Variants in PTPRM observed in about 807,000 individuals in gnomAD.
PTPRM encodes protein tyrosine phosphatase receptor type M.
A neutral mutation model predicts 186.7 loss-of-function variants in PTPRM; 47 were observed. That is an observed-to-expected ratio of 0.25 (90% CI 0.20 to 0.32). The LOEUF is 0.32. Among genes scored for constraint, PTPRM ranks in the 10% least tolerant of loss-of-function variants. PTPRM has a pLI of 1.00. For synonymous variants in PTPRM, 668 were observed against 674.9 expected (o/e 0.99, Z 0.16); for missense variants, 1,494 against 1,865.0 (o/e 0.80, Z 3.66).
intron 1 of PTPRM, among the ~76,000 whole-genome samples, chr18:7,763,580 A>T (rs1470956553): frequency 1.3e-5 from 2 of 152,132 alleles, no homozygotes; most frequent in Non-Finnish European, 2.9e-5. Context: ...CGAGTTCCCC[A>T]TGGTTGTATT....
At chr18:8,142,412 A>G (rs1265242138) in intron 13 of PTPRM, among the ~76,000 whole-genome samples, 1 of 152,200 alleles carries the variant, frequency 6.6e-6, no homozygotes, top group African/African-American at 2.4e-5. Flanking sequence ...CTCACCAGGA[A>G]TAACTTTGGA....
chr18:7,864,067 T>C (rs183001046), intron 2 of PTPRM, among the ~76,000 whole-genome samples: 1 of 152,338 alleles, frequency 6.6e-6, no homozygotes, highest in Admixed American at 6.5e-5. Flanking sequence ...TGTAAATTTG[T>C]TTAAATTCTT....
At chr18:7,665,029 C>G (rs2039065351) in intron 1 of PTPRM, among the ~76,000 whole-genome samples, 1 of 152,032 alleles carries the variant, frequency 6.6e-6, no homozygotes, top group South Asian at 2.1e-4. Context: ...GGCTGGTGTC[C>G]ATGGAAGAGA....
chr18:7,638,820 G>A (rs2038378527), intron 1 of PTPRM, among the ~76,000 whole-genome samples: 1 of 152,116 alleles, frequency 6.6e-6, no homozygotes, highest in Admixed American at 6.5e-5. Flanking sequence ...ATTTCTTATG[G>A]TCTTTTAGAA....
At chr18:8,196,224 T>C (rs921910818) in intron 14 of PTPRM, among the ~76,000 whole-genome samples, 1 of 152,216 alleles carries the variant, frequency 6.6e-6, no homozygotes, top group Non-Finnish European at 1.5e-5. Context: ...GCCTGTCACC[T>C]TAATCCCTTT....
intron 7 of PTPRM, among the ~76,000 whole-genome samples, chr18:8,013,291 C>A (rs1278220874): frequency 6.6e-6 from 1 of 152,054 alleles, no homozygotes; most frequent in Non-Finnish European, 1.5e-5. Flanking sequence ...GGCTGGGGAA[C>A]CACAGTTGAA....
chr18:8,384,654 A>G lies in PTPRM; in HGVS notation c.4012A>G (p.Ser1338Gly), dbSNP rs776941532. The G allele has an allele frequency of 1.2e-6, 2 of 1,614,216 alleles. No homozygotes were observed. The highest frequency in any genetic ancestry group is 1.7e-6 in the Non-Finnish European group (2 of 1,180,030). Residue 1338 changes from serine to glycine, a missense_variant, in exon 30 of 33, where the codon AGC (serine) becomes GGC (glycine). Physicochemically the swap from Ser to Gly is moderately conservative, Grantham distance 56. Coordinates refer to ENST00000580170, the MANE Select transcript of PTPRM (RefSeq NM_001105244.2). The part of the protein sequence containing the change: ...VSADLEEDII[S>G]RIFRIYNAAR... ...TGCTGACCTGGAAGAGGACATCATC[A>G]GCAGGATATTCCGCATTTACAATGC...
At chr18:7,746,114 A>G (rs1490019402) in intron 1 of PTPRM, among the ~76,000 whole-genome samples, 2 of 152,222 alleles carry the variant, frequency 1.3e-5, no homozygotes, top group Admixed American at 1.3e-4. Context: ...AAAATTGATA[A>G]AAGACATTAA....
intron 14 of PTPRM, among the ~76,000 whole-genome samples, chr18:8,208,865 A>C (rs1376859559): frequency 6.6e-6 from 1 of 152,314 alleles, no homozygotes; most frequent in South Asian, 2.1e-4. Context: ...CCATGAAGAC[A>C]TCAGGGGAAA....
At chr18:7,585,109 A>G (rs997666167) in intron 1 of PTPRM, among the ~76,000 whole-genome samples, 9 of 152,344 alleles carry the variant, frequency 5.9e-5, no homozygotes, top group African/African-American at 2.2e-4. Flanking sequence ...GGAAAACTGC[A>G]GGGAAAGCTC....
At chr18:7,812,229 C>CT (rs1212651698) in intron 2 of PTPRM, among the ~76,000 whole-genome samples, 1 of 152,136 alleles carries the variant, frequency 6.6e-6, no homozygotes, top group Non-Finnish European at 1.5e-5. Flanking sequence ...TTAAGTATTA[C>CT]TTTTTTCCTT....
chr18:8,075,703 A>G (rs1191371628), intron 8 of PTPRM, among the ~76,000 whole-genome samples: 1 of 152,114 alleles, frequency 6.6e-6, no homozygotes, highest in Admixed American at 6.6e-5. Flanking sequence ...CCCCCAAATC[A>G]CATATAGTAT....
At chr18:7,802,243 C>T (rs2044010635) in intron 2 of PTPRM, among the ~76,000 whole-genome samples, 1 of 152,200 alleles carries the variant, frequency 6.6e-6, no homozygotes, top group South Asian at 2.1e-4. Context: ...CAGGGTCCCG[C>T]TGCTGCCTCC....
intron 7 of PTPRM, 58 bp downstream of exon 7, chr18:7,955,472 G>T: frequency 1.9e-6 from 3 of 1,551,110 alleles, no homozygotes; most frequent in Non-Finnish European, 2.6e-6. Flanking sequence ...TTGACTGGCA[G>T]CACTGGGGTT....
intron 2 of PTPRM, among the ~76,000 whole-genome samples, chr18:7,779,291 GA>G (rs2042742978): frequency 6.6e-6 from 1 of 152,154 alleles, no homozygotes; most frequent in Non-Finnish European, 1.5e-5. Flanking sequence ...TATAGCATGG[GA>G]CTACATAAAG....
Position 8,343,428 on chromosome 18 carries a change from A to G in PTPRM, c.2962A>G (p.Met988Val), listed in dbSNP as rs1302067199. The change falls in exon 23 of 33, where the codon ATG becomes GTG. Residue 988 changes from methionine to valine, a missense_variant. Met to Val is a conservative substitution (Grantham distance 21). Coordinates refer to ENST00000580170, the MANE Select transcript of PTPRM (RefSeq NM_001105244.2). ...TCTGTTGTGTTTTGCTGCAGGGCCA[A>G]TGCAGGAAACCATCTATGACTTCTG... ...PNHYIATQGPMQETIYDFWRM... is the reference protein window; with the variant it reads ...PNHYIATQGPVQETIYDFWRM... 1.2e-6 allele frequency: 2 copies of G among 1,613,220 alleles called. No individual in the cohort carries two copies. Among genetic ancestry groups the G allele is most frequent in the Non-Finnish European group, 1.7e-6 (2 of 1,179,770 alleles).
At chr18:8,224,806 T>A (rs181661093) in intron 14 of PTPRM, among the ~76,000 whole-genome samples, 4 of 152,332 alleles carry the variant, frequency 2.6e-5, no homozygotes, top group Admixed American at 2.0e-4. Context: ...ATGCTGTCAT[T>A]TAACGCGTCC....
At chr18:7,887,127 C>T (rs1225824603) in intron 2 of PTPRM, among the ~76,000 whole-genome samples, 1 of 152,084 alleles carries the variant, frequency 6.6e-6, no homozygotes, top group African/African-American at 2.4e-5. Flanking sequence ...TTCAGGTGTA[C>T]TTGCTCCTTA....
intron 2 of PTPRM, among the ~76,000 whole-genome samples, chr18:7,823,931 C>T (rs2145638337): frequency 6.6e-6 from 1 of 152,302 alleles, no homozygotes; most frequent in Non-Finnish European, 1.5e-5. Context: ...AGAACCCTGA[C>T]TAATATACTT....
Sources: allele counts gnomAD v4.1 joint callset (sites outside exome capture counted in the v4.1 genomes callset), GRCh38; gene constraint gnomAD v4.1.1; transcripts MANE v1.5; gene names NCBI Gene and HGNC (gene_info 2026-07-23, HGNC 2026-07-21).